ANTXR1: variants seen among roughly 807,000 people sequenced by gnomAD.
The protein encoded by ANTXR1 is anthrax toxin receptor 1.
Under a neutral mutation model 78.1 loss-of-function variants are expected in ANTXR1, and 19 were observed. The ratio of observed to expected loss-of-function variants is 0.24; its 90% CI spans 0.17 to 0.36. The LOEUF is 0.36. Among genes scored for constraint, ANTXR1 ranks in the 10% least tolerant of loss-of-function variants. The pLI, the probability that ANTXR1 is intolerant of heterozygous loss-of-function variation, is 1.00. For synonymous variants in ANTXR1, 273 were observed against 260.5 expected, an observed-to-expected ratio of 1.05 and a Z score of -0.46; for missense variants, 518 against 718.6, an observed-to-expected ratio of 0.72 and a Z score of 3.19.
chr2:69,043,622 A>G (rs1465979680), intron 2 of ANTXR1, among the ~76,000 whole-genome samples: 2 of 152,194 alleles, frequency 1.3e-5, no homozygotes, highest in African/African-American at 4.8e-5. Flanking sequence ...CCAAAGATGC[A>G]TCAGGCATTT....
At chr2:69,158,634 TTC>T (rs1170091220) in intron 13 of ANTXR1, among the ~76,000 whole-genome samples, 1 of 152,224 alleles carries the variant, frequency 6.6e-6, no homozygotes, top group East Asian at 1.9e-4. Context: ...CATACAACCA[TTC>T]TGTTTTTCAC....
chr2:69,189,959 AGGACTG>A (rs1342925620), intron 16 of ANTXR1, among the ~76,000 whole-genome samples: 4 of 152,202 alleles, frequency 2.6e-5, no homozygotes, highest in African/African-American at 9.7e-5. Flanking sequence ...AGCTCAAGAG[AGGACTG>A]GGCTGAGTAT....
chr2:69,249,313 A>C lies in ANTXR1; in HGVS notation c.*3828A>C, dbSNP rs777287618. 6 of 152,178 alleles carry C rather than the reference A, an allele frequency of 3.9e-5. No individual in the cohort carries two copies. The highest frequency in any genetic ancestry group is 1.4e-4 in the African/African-American group (6 of 41,450). 9.4% of individuals were successfully genotyped at this position (152,178 alleles called of 1,614,324 possible). A position where few individuals can be genotyped will look rare whatever the true frequency, so the allele number is the denominator to read the frequency against. ...AGTTGCTTTTTTAAAAAAAATAATA[A>C]ATTTCTTAAATCAACTCTTTTTTCT... On this transcript the variant is annotated 3_prime_UTR_variant, in exon 18 of 18. Coordinates refer to ENST00000303714, the MANE Select transcript of ANTXR1 (RefSeq NM_032208.3).
At chr2:69,234,322 G>A (rs1675699080) in intron 17 of ANTXR1, among the ~76,000 whole-genome samples, 1 of 152,192 alleles carries the variant, frequency 6.6e-6, no homozygotes, top group Non-Finnish European at 1.5e-5. Context: ...TTGGAAGGTG[G>A]TAGATTATTT....
rs1270006953 is a variant in ANTXR1 at position 69,170,271 on chromosome 2, C to G, written c.1071C>G (p.Pro357=). The G allele has an allele frequency of 1.2e-6, 2 of 1,614,040 alleles. No individual in the cohort carries two copies. The highest frequency in any genetic ancestry group is 1.7e-6 in the Non-Finnish European group (2 of 1,180,046). ...AGATTATCAAGGAGGTCCCTCCACCCCCTGCCGAGGAGAGTGAGGTAAGTG... is the reference window on the plus strand; with the variant it reads ...AGATTATCAAGGAGGTCCCTCCACCGCCTGCCGAGGAGAGTGAGGTAAGTG... ...CTVIIKEVPP[P]PAEESEEEDD... Residue 357 remains proline (P), a synonymous_variant, in exon 14 of 18, where the codon CCC becomes CCG. Transcript: ENST00000303714.
intron 9 of ANTXR1, among the ~76,000 whole-genome samples, chr2:69,101,331 C>T (rs1320041632): frequency 2.0e-5 from 3 of 152,182 alleles, no homozygotes; most frequent in African/African-American, 4.8e-5. Flanking sequence ...CATGGTGGTT[C>T]AGAAGCTAAT....
chr2:69,077,049 C>T (rs1371377804), intron 7 of ANTXR1, among the ~76,000 whole-genome samples: 1 of 152,196 alleles, frequency 6.6e-6, no homozygotes, highest in East Asian at 1.9e-4. Context: ...ATAAAGTTGC[C>T]AACAGGAATT....
At chr2:69,118,636 G>A (rs536706453) in intron 10 of ANTXR1, among the ~76,000 whole-genome samples, 166 of 152,194 alleles carry the variant, frequency 1.1e-3, no homozygotes, top group Non-Finnish European at 2.0e-3. Context: ...CAGGGGCCTC[G>A]GCTGTCCTAG....
At chr2:69,096,081 AC>A (rs1671390040) in intron 9 of ANTXR1, among the ~76,000 whole-genome samples, 1 of 151,690 alleles carries the variant, frequency 6.6e-6, no homozygotes, top group Non-Finnish European at 1.5e-5. Flanking sequence ...ACACGGTGAA[AC>A]CCCGTCTCTA....
At chr2:69,145,814 C>A (rs2104421636) in intron 12 of ANTXR1, 1 of 989,430 alleles carries the variant, frequency 1.0e-6, no homozygotes, top group East Asian at 1.1e-4. Context: ...CTGGTTCTCT[C>A]CCATTATAGG....
intron 3 of ANTXR1, among the ~76,000 whole-genome samples, chr2:69,069,158 C>T (rs146391440): frequency 9.8e-5 from 15 of 152,302 alleles, no homozygotes; most frequent in East Asian, 3.9e-4. Context: ...CCCTCACCCA[C>T]GGTCTCCCCA....
At chr2:69,119,401 C>T (rs1249550027) in intron 10 of ANTXR1, among the ~76,000 whole-genome samples, 2 of 152,214 alleles carry the variant, frequency 1.3e-5, no homozygotes, top group East Asian at 3.9e-4. Context: ...GGAATCTGTA[C>T]TCCCAGGTAC....
At chr2:69,104,140 T>C (rs1045446724) in intron 10 of ANTXR1, among the ~76,000 whole-genome samples, 1 of 152,068 alleles carries the variant, frequency 6.6e-6, no homozygotes, top group African/African-American at 2.4e-5. Context: ...GGTTTCATCA[T>C]GTTGGCCAGG....
intron 16 of ANTXR1, among the ~76,000 whole-genome samples, chr2:69,189,059 ACT>A (rs1440082025): frequency 2.6e-5 from 4 of 152,226 alleles, no homozygotes; most frequent in Non-Finnish European, 5.9e-5. Context: ...GGTTGCAAAC[ACT>A]GTTTTTCTAA....
intron 3 of ANTXR1, among the ~76,000 whole-genome samples, chr2:69,067,382 A>T (rs1020226948): frequency 2.0e-5 from 3 of 150,736 alleles, no homozygotes; most frequent in African/African-American, 7.3e-5. Context: ...CAGTTCCCAG[A>T]CTTTATTTGG....
At chr2:69,100,380 C>T (rs575206413) in intron 9 of ANTXR1, among the ~76,000 whole-genome samples, 1 of 152,162 alleles carries the variant, frequency 6.6e-6, no homozygotes, top group Non-Finnish European at 1.5e-5. Context: ...TGGTGCACTC[C>T]CCAGAGCATC....
chr2:69,201,935 T>C (rs991369268), intron 17 of ANTXR1, among the ~76,000 whole-genome samples: 12 of 152,158 alleles, frequency 7.9e-5, no homozygotes, highest in Non-Finnish European at 1.5e-4. Flanking sequence ...TTGCTCACTG[T>C]CAGGGTTGTG....
chr2:69,134,567 G>C (rs1395298921), intron 12 of ANTXR1, among the ~76,000 whole-genome samples: 1 of 152,174 alleles, frequency 6.6e-6, no homozygotes. Flanking sequence ...AAAGCTTTCA[G>C]ACTCCTTATG....
chr2:69,235,472 A>C (rs1675733884), intron 17 of ANTXR1, among the ~76,000 whole-genome samples: 1 of 151,914 alleles, frequency 6.6e-6, no homozygotes, highest in African/African-American at 2.4e-5. Context: ...CAACATGGTG[A>C]AACCCTGTCT....
Sources: gnomAD v4.1 joint callset for allele counts (sites outside exome capture counted in the v4.1 genomes callset) on GRCh38, gnomAD v4.1.1 for gene constraint, MANE v1.5 for transcripts, NCBI Gene and HGNC (gene_info 2026-07-23, HGNC 2026-07-21) for gene names.